The following BYSL variants were observed in gnomAD, a reference collection of about 807,000 sequenced individuals.
BYSL encodes bystin like, also known as bystin.
A neutral mutation model predicts 45.4 loss-of-function variants in BYSL; 21 were observed. The observed-to-expected ratio is 0.46, with a 90% CI of 0.33 to 0.67. The LOEUF (loss-of-function observed/expected upper bound fraction) is 0.67, where lower values mean the gene tolerates loss of function less well. Among genes scored for constraint, BYSL ranks in the 30% least tolerant of loss-of-function variants. The probability of loss-of-function intolerance (pLI) is 0.02; values close to 1 mark genes in which losing one functional copy is unlikely to be tolerated. For missense variants in BYSL, 522 were observed against 578.5 expected, an observed-to-expected ratio of 0.90 and a Z score of 1.00; for synonymous variants, 215 against 231.3, an observed-to-expected ratio of 0.93 and a Z score of 0.64.
chr6:41,921,447 G>A (rs151229263), upstream of BYSL: 21 of 1,398,338 alleles, frequency 1.5e-5, no homozygotes, highest in Non-Finnish European at 1.9e-5. Flanking sequence ...CCGAATGCTA[G>A]GGGGCGCTGT....
chr6:41,919,508 G>A (rs1775404608), upstream of BYSL, among the ~76,000 whole-genome samples: 1 of 152,178 alleles, frequency 6.6e-6, no homozygotes, highest in African/African-American at 2.4e-5. Context: ...TGTTGCTAAT[G>A]TGCCTTATTT....
the BYSL span, chr6:41,909,218 G>C: frequency 1.9e-6 from 3 of 1,572,740 alleles, no homozygotes; most frequent in Non-Finnish European, 2.6e-6. Flanking sequence ...AGAGCCCTTT[G>C]CTAAGCAGCC....
At position 41,930,121 on chromosome 6, in the gene BYSL, T is replaced by G; in HGVS notation, c.432-11T>G. 6.2e-7 allele frequency: 1 copy of G among 1,613,982 alleles called. No homozygotes were observed. The highest frequency in any genetic ancestry group is 8.5e-7 in the Non-Finnish European group (1 of 1,179,940). ...CCCTCTCTCCCCTCCTCTTGGCACT[T>G]CCCCTCTTAGGCGCACCCTGGCTGA... On this transcript the variant is annotated splice_polypyrimidine_tract_variant and intron_variant, in intron 2 of 6. Transcript: ENST00000230340.
chr6:41,929,164 A>G (rs1775602315), intron 2 of BYSL, among the ~76,000 whole-genome samples: 1 of 152,146 alleles, frequency 6.6e-6, no homozygotes, highest in Admixed American at 6.6e-5. Context: ...AGCCTCCCAA[A>G]GTACTGGGAT....
At position 41,932,750 on chromosome 6, in the gene BYSL, C is replaced by G; in HGVS notation, c.*44C>G. ...CTGGCCAAAGGGGTTTGGAAGGACA[C>G]CAAGACCCCCGTTGGTGACTGAAGA... On this transcript the variant is annotated 3_prime_UTR_variant, in exon 7 of 7. Coordinates refer to ENST00000230340, the MANE Select transcript of BYSL (RefSeq NM_004053.4). The surrounding 1 kb of genome is among the most constrained non-coding windows in gnomAD (Gnocchi z 4.7). 1.3e-6 allele frequency: 2 copies of G among 1,551,078 alleles called. No individual in the cohort carries two copies. The highest frequency in any genetic ancestry group is 1.8e-6 in the Non-Finnish European group (2 of 1,142,642).
At chr6:41,921,395 C>T, upstream of BYSL, 2 of 916,632 alleles carry the variant, frequency 2.2e-6, no homozygotes, top group Non-Finnish European at 3.2e-6. Flanking sequence ...AACCCGGGAG[C>T]TCTTTTAGTG....
intron 1 of BYSL, among the ~76,000 whole-genome samples, chr6:41,926,729 G>A (rs1165065757): frequency 2.0e-5 from 3 of 150,772 alleles, no homozygotes; most frequent in African/African-American, 4.9e-5. Flanking sequence ...GATTACAGGC[G>A]TGAGCCACCG....
chr6:41,926,010 G>A (rs766455810), intron 1 of BYSL, among the ~76,000 whole-genome samples: 29 of 152,172 alleles, frequency 1.9e-4, no homozygotes, highest in African/African-American at 2.4e-5. Context: ...ATGGACTGGT[G>A]GATTGAAATC....
upstream of BYSL, among the ~76,000 whole-genome samples, chr6:41,920,154 C>G (rs1468320147): frequency 6.6e-6 from 1 of 152,172 alleles, no homozygotes; most frequent in Non-Finnish European, 1.5e-5. Flanking sequence ...AGACTTAAAA[C>G]ATATGAAAGA....
At chr6:41,918,763 A>C (rs1241207772), upstream of BYSL, among the ~76,000 whole-genome samples, 2 of 148,754 alleles carry the variant, frequency 1.3e-5, no homozygotes, top group African/African-American at 2.5e-5. Context: ...CTGGCTAACA[A>C]GGTGAAACCC....
At chr6:41,915,870 G>A in the BYSL span, among the ~76,000 whole-genome samples, 14 of 152,210 alleles carry the variant, frequency 9.2e-5, no homozygotes, top group African/African-American at 3.1e-4. Flanking sequence ...TTTGGTGATA[G>A]TATCATAGGT....
At chr6:41,929,553 C>T (rs1561944803) in intron 2 of BYSL, among the ~76,000 whole-genome samples, 1 of 152,196 alleles carries the variant, frequency 6.6e-6, no homozygotes, top group Non-Finnish European at 1.5e-5. Context: ...TATTATATGA[C>T]AGCTCAAGGC....
At chr6:41,923,206 A>G (rs766019621) in intron 1 of BYSL, among the ~76,000 whole-genome samples, 3 of 151,806 alleles carry the variant, frequency 2.0e-5, no homozygotes, top group African/African-American at 7.3e-5. Context: ...CGGTGGCACA[A>G]TCATAGCTAA....
In BYSL at chr6:41,931,720, C is replaced by T; in HGVS notation, c.866-8C>T. The T allele has an allele frequency of 6.2e-7, 1 of 1,613,602 alleles. No individual in the cohort carries two copies. The highest frequency in any genetic ancestry group is 1.7e-5 in the Admixed American group (1 of 60,012). On this transcript the variant is annotated splice_region_variant and splice_polypyrimidine_tract_variant and intron_variant, in intron 5 of 6. Transcript: ENST00000230340. ...GGCTCACAGTGGCTGCCCTTTGACT[C>T]TCCCTAGGGATCCTGATTCCACTGT... is the stretch of plus-strand genomic sequence containing the variant.
upstream of BYSL, chr6:41,917,556 C>A: frequency 3.0e-6 from 1 of 331,212 alleles, no homozygotes; most frequent in East Asian, 7.8e-5. Flanking sequence ...AATAGAGGAC[C>A]ACAGTCCCTG....
Position 41,932,322 on chromosome 6 carries a change from T to A in BYSL, c.969-39T>A. On this transcript the variant is annotated intron_variant, in intron 6 of 6. Coordinates refer to ENST00000230340, the MANE Select transcript of BYSL (RefSeq NM_004053.4). This position sits in a 1 kb window ranked among gnomAD's most constrained non-coding sequence, Gnocchi z 4.7. ...AGAAGTAGGATCCTTCTTCCAATGT[T>A]TTCCCTGCTTACTCTACCCCACCTC... is the stretch of plus-strand genomic sequence containing the variant. 11 of 1,568,290 alleles carry A rather than the reference T, an allele frequency of 7.0e-6. No individual in the cohort carries two copies. The highest frequency in any genetic ancestry group is 9.5e-6 in the Non-Finnish European group (11 of 1,152,702).
upstream of BYSL, among the ~76,000 whole-genome samples, chr6:41,919,701 A>C (rs1170383336): frequency 6.6e-6 from 1 of 152,184 alleles, no homozygotes; most frequent in Non-Finnish European, 1.5e-5. Context: ...AGACCAAAGC[A>C]GGAGGCTCGC....
At chr6:41,914,962 A>T in the BYSL span, among the ~76,000 whole-genome samples, 1 of 152,238 alleles carries the variant, frequency 6.6e-6, no homozygotes. Flanking sequence ...TTCAGAGTGC[A>T]TAAGGATTGT....
chr6:41,924,399 T>A (rs777464963), intron 1 of BYSL, among the ~76,000 whole-genome samples: 3 of 152,202 alleles, frequency 2.0e-5, no homozygotes, highest in Non-Finnish European at 2.9e-5. Context: ...ACCCAATATA[T>A]TTATATGTTT....
Sources: allele counts gnomAD v4.1 joint callset (sites outside exome capture counted in the v4.1 genomes callset), GRCh38; gene constraint gnomAD v4.1.1; non-coding constraint Gnocchi (gnomAD v3.1); transcripts MANE v1.5; gene names NCBI Gene and HGNC (gene_info 2026-07-23, HGNC 2026-07-21).